Variants in SLC36A1 observed in about 807,000 individuals in gnomAD.
The protein encoded by SLC36A1 is solute carrier family 36 member 1, also known as proton-coupled amino acid transporter 1.
Under a neutral mutation model 47.5 loss-of-function variants are expected in SLC36A1, and 30 were observed. The observed-to-expected ratio is 0.63, with a 90% CI of 0.47 to 0.86. The LOEUF is 0.86. Among genes scored for constraint, SLC36A1 ranks in the 40% least tolerant of loss-of-function variants. SLC36A1 has a pLI of 0.00. For synonymous variants in SLC36A1, 255 were observed against 249.7 expected (o/e 1.02, Z -0.20); for missense variants, 517 against 606.0 (o/e 0.85, Z 1.54).
upstream of SLC36A1, among the ~76,000 whole-genome samples, chr5:151,434,787 G>A (rs988395904): frequency 2.6e-5 from 4 of 152,280 alleles, no homozygotes; most frequent in South Asian, 4.2e-4. Context: ...ACAATGAGAA[G>A]ACAGCCACAT....
the SLC36A1 span, among the ~76,000 whole-genome samples, chr5:151,415,858 C>T: frequency 9.2e-5 from 14 of 152,186 alleles, no homozygotes; most frequent in East Asian, 1.9e-4. Flanking sequence ...GTAATCCCAG[C>T]ACTTTGGGAG....
the SLC36A1 span, among the ~76,000 whole-genome samples, chr5:151,370,565 C>A: frequency 6.6e-5 from 10 of 152,190 alleles, no homozygotes; most frequent in Admixed American, 2.6e-4. Context: ...CAATAATATT[C>A]TTTGCAGCAT....
At chr5:151,483,502 G>A (rs756303138) in intron 10 of SLC36A1, among the ~76,000 whole-genome samples, 8 of 128,000 alleles carry the variant, frequency 6.3e-5, no homozygotes, top group Non-Finnish European at 7.8e-5. Context: ...GTCTGGGCTG[G>A]GGTCTTTGTG....
the SLC36A1 span, among the ~76,000 whole-genome samples, chr5:151,503,271 C>A: frequency 6.8e-6 from 1 of 148,028 alleles, no homozygotes; most frequent in Admixed American, 6.6e-5. Context: ...GTTGCAACAA[C>A]TATACCATTC....
At chr5:151,537,382 CAACGA>C in the SLC36A1 span, among the ~76,000 whole-genome samples, 5 of 110,314 alleles carry the variant, frequency 4.5e-5, no homozygotes, top group African/African-American at 1.8e-4. Flanking sequence ...AAACAACGAA[CAACGA>C]AAGGAAAGGA....
chr5:151,535,870 C>T, the SLC36A1 span, among the ~76,000 whole-genome samples: 72 of 152,304 alleles, frequency 4.7e-4, no homozygotes, highest in Middle Eastern at 3.4e-3. Flanking sequence ...AAAACCCACA[C>T]ACATTTGGTC....
upstream of SLC36A1, among the ~76,000 whole-genome samples, chr5:151,435,663 G>C (rs980082413): frequency 2.0e-5 from 3 of 151,294 alleles, no homozygotes; most frequent in African/African-American, 7.3e-5. Context: ...AAATTACTAG[G>C]GTATGGCTAG....
intron 10 of SLC36A1, among the ~76,000 whole-genome samples, chr5:151,483,006 C>T (rs2127539598): frequency 6.6e-6 from 1 of 152,058 alleles, no homozygotes; most frequent in African/African-American, 2.4e-5. Flanking sequence ...CACTGCACTC[C>T]AGCCTAGGTG....
the SLC36A1 span, among the ~76,000 whole-genome samples, chr5:151,519,355 C>CA: frequency 2.0e-5 from 3 of 152,108 alleles, no homozygotes; most frequent in Non-Finnish European, 4.4e-5. Context: ...AAAACAAAAA[C>CA]AAAAATCCAA....
At chr5:151,456,246 T>A (rs1023324113) in intron 1 of SLC36A1, among the ~76,000 whole-genome samples, 1 of 152,160 alleles carries the variant, frequency 6.6e-6, no homozygotes, top group Non-Finnish European at 1.5e-5. Flanking sequence ...TGGGCCCAAG[T>A]GATCCTCCCA....
intron 7 of SLC36A1, among the ~76,000 whole-genome samples, chr5:151,468,166 C>T (rs113014988): frequency 7.5e-5 from 11 of 146,430 alleles, no homozygotes; most frequent in African/African-American, 2.0e-4. Flanking sequence ...GCAGGAGAAT[C>T]GCTTGAACCT....
chr5:151,358,275 GT>G, the SLC36A1 span, among the ~76,000 whole-genome samples: 4 of 148,390 alleles, frequency 2.7e-5, no homozygotes, highest in Non-Finnish European at 1.5e-5. Flanking sequence ...TTTCTTTTCT[GT>G]TTTTTTTTTG....
the SLC36A1 span, among the ~76,000 whole-genome samples, chr5:151,498,099 C>T: frequency 6.6e-6 from 1 of 152,068 alleles, no homozygotes; most frequent in Non-Finnish European, 1.5e-5. Context: ...CGCCTGCCAC[C>T]ACGCCCGACT....
intron 7 of SLC36A1, among the ~76,000 whole-genome samples, chr5:151,470,450 T>C (rs1379312577): frequency 6.6e-6 from 1 of 152,174 alleles, no homozygotes; most frequent in South Asian, 2.1e-4. Context: ...CACAGAGCAA[T>C]GTCTGCATAA....
At chr5:151,537,728 G>A in the SLC36A1 span, 13 of 1,481,942 alleles carry the variant, frequency 8.8e-6, no homozygotes, top group African/African-American at 1.4e-5. Flanking sequence ...AGAATACCAT[G>A]GCACTGGGCA....
At position 151,468,511 on chromosome 5, in the gene SLC36A1, A is replaced by T. The variant is rs571432699; in HGVS notation, c.723+586A>T. Among the ~76,000 whole-genome samples, 5 of 150,174 alleles carry T rather than the reference A, an allele frequency of 3.3e-5. No individual in the cohort carries two copies. The South Asian group carries it at 1.0e-3, about 31-fold the overall frequency. On this transcript the variant is annotated intron_variant, in intron 7 of 10. Coordinates refer to ENST00000243389, the MANE Select transcript of SLC36A1 (RefSeq NM_078483.4). ...GTTACTACTGGTATGTCTAGATTAG[A>T]GGTTCTGTTCTTGGGCCCTGTTGAC... is the stretch of plus-strand genomic sequence containing the variant.
At chr5:151,375,150 G>A in the SLC36A1 span, among the ~76,000 whole-genome samples, 4 of 152,142 alleles carry the variant, frequency 2.6e-5, no homozygotes, top group East Asian at 7.7e-4. Context: ...ATGTCCAGAA[G>A]TGTTTTCCCT....
chr5:151,436,224 C>T (rs1759770203), upstream of SLC36A1, among the ~76,000 whole-genome samples: 1 of 152,118 alleles, frequency 6.6e-6, no homozygotes, highest in Non-Finnish European at 1.5e-5. Context: ...TTTCTTTTTG[C>T]TTGTTTGCAG....
chr5:151,437,607 G>A (rs149704546), intron 1 of SLC36A1, among the ~76,000 whole-genome samples: 8 of 152,102 alleles, frequency 5.3e-5, no homozygotes, highest in South Asian at 2.1e-4. Context: ...GTGAAAATTT[G>A]TACCTCTTAA....
Sources: gnomAD v4.1 joint callset for allele counts (sites outside exome capture counted in the v4.1 genomes callset) on GRCh38, gnomAD v4.1.1 for gene constraint, MANE v1.5 for transcripts, NCBI Gene and HGNC (gene_info 2026-07-23, HGNC 2026-07-21) for gene names.